The following ANKRD44 variants were observed in gnomAD, a reference collection of about 807,000 sequenced individuals.
The protein encoded by ANKRD44 is ankyrin repeat domain 44.
In ANKRD44, 35 loss-of-function variants were observed where a neutral mutation model predicts 116.0. That is an observed-to-expected ratio of 0.30 (90% CI 0.23 to 0.40). The LOEUF (loss-of-function observed/expected upper bound fraction) is 0.40, where lower values mean the gene tolerates loss of function less well. ANKRD44 is among the 10% of genes least tolerant of loss of function. The pLI is 1.00. For synonymous variants in ANKRD44, 435 were observed against 461.8 expected, an observed-to-expected ratio of 0.94 and a Z score of 0.74; for missense variants, 1,014 against 1,242.6, an observed-to-expected ratio of 0.82 and a Z score of 2.77.
intron 1 of ANKRD44, among the ~76,000 whole-genome samples, chr2:197,258,414 C>G (rs2082512859): frequency 6.6e-6 from 1 of 151,056 alleles, no homozygotes; most frequent in Admixed American, 6.6e-5. Context: ...GAATTCTTTA[C>G]TAGGCCAGAA....
intron 11 of ANKRD44, among the ~76,000 whole-genome samples, chr2:197,089,093 G>C (rs1406580224): frequency 2.0e-5 from 3 of 152,200 alleles, no homozygotes; most frequent in Non-Finnish European, 2.9e-5. Flanking sequence ...CAGGCAGATA[G>C]AACTCATGGA....
intron 1 of ANKRD44, among the ~76,000 whole-genome samples, chr2:197,241,062 C>T (rs1386022812): frequency 2.0e-5 from 3 of 152,018 alleles, no homozygotes; most frequent in African/African-American, 7.3e-5. Flanking sequence ...TCTATTCCTC[C>T]TTTCCAGGGC....
intron 1 of ANKRD44, among the ~76,000 whole-genome samples, chr2:197,221,677 G>A (rs537329674): frequency 6.6e-6 from 1 of 152,156 alleles, no homozygotes; most frequent in Non-Finnish European, 1.5e-5. Context: ...CACCACCCTC[G>A]GCCATCTTTC....
chr2:197,139,706 A>T (rs893101131), intron 3 of ANKRD44, among the ~76,000 whole-genome samples: 2 of 152,136 alleles, frequency 1.3e-5, no homozygotes, highest in Admixed American at 1.3e-4. Flanking sequence ...AGTGGAAGGT[A>T]TATGGATATT....
chr2:197,068,224 G>T (rs886237458), intron 16 of ANKRD44, among the ~76,000 whole-genome samples: 2 of 104,494 alleles, frequency 1.9e-5, no homozygotes, highest in Admixed American at 2.0e-4. Context: ...GGTCGGGGGA[G>T]GGGGGAGGGA....
chr2:197,086,574 C>A, intron 13 of ANKRD44, 106 bp downstream of exon 13: 2 of 1,050,644 alleles, frequency 1.9e-6, no homozygotes, highest in African/African-American at 1.6e-5. Flanking sequence ...TGGAATCCCC[C>A]CAGCTAACTT....
intron 3 of ANKRD44, among the ~76,000 whole-genome samples, chr2:197,141,236 T>C (rs1400973217): frequency 1.8e-4 from 27 of 152,084 alleles, no homozygotes; most frequent in Admixed American, 1.8e-3. Flanking sequence ...CATACATACA[T>C]ACAAATCTGA....
At chr2:197,186,621 T>C (rs1339871515) in intron 2 of ANKRD44, among the ~76,000 whole-genome samples, 4 of 81,806 alleles carry the variant, frequency 4.9e-5, no homozygotes, top group African/African-American at 1.4e-4. Flanking sequence ...TCTTTTTTTT[T>C]TTTTTTTTTT....
chr2:197,089,904 T>A, intron 11 of ANKRD44, 46 bp downstream of exon 11: 4 of 1,545,016 alleles, frequency 2.6e-6, no homozygotes, highest in Non-Finnish European at 3.6e-6. Context: ...CATTGACTCA[T>A]GTACAGGACA....
In ANKRD44 at chr2:196,989,613, G is replaced by C; in HGVS notation, c.2960C>G (p.Thr987Ser). The C allele has an allele frequency of 6.5e-7, 1 of 1,550,194 alleles. No homozygotes were observed. Among genetic ancestry groups the C allele is most frequent in the African/African-American group, 1.4e-5 (1 of 73,138 alleles). ...RSNGPRSTPG[T>S]AVQKEE ...GTCTCATTCTTCTTTTTGTACAGCGGTTCCAGGTGTGGAACGGGGTCCATT... is the reference window on the plus strand; with the variant it reads ...GTCTCATTCTTCTTTTTGTACAGCGCTTCCAGGTGTGGAACGGGGTCCATT... The change falls in exon 28 of 28, where the codon ACC becomes AGC. Residue 987 changes from threonine (T) to serine (S), a missense_variant. Coordinates refer to ENST00000282272, the MANE Select transcript of ANKRD44 (RefSeq NM_001195144.2).
rs552972003 is a variant in ANKRD44 at position 197,068,387 on chromosome 2, T to G, written c.1650+10316A>C. Among the ~76,000 whole-genome samples, 561 of 66,934 alleles carry G rather than the reference T, an allele frequency of 8.4e-3. 5 individuals are homozygous for G. The highest frequency in any genetic ancestry group is 0.018 in the African/African-American group (479 of 26,240). 43.9% of individuals were successfully genotyped at this position (66,934 alleles called of 152,430 possible). On this transcript the variant is annotated intron_variant, in intron 16 of 27. Transcript: ENST00000282272. ...AAAAAAAATAAAAAAAAGAAAAAAA[T>G]AAAAAAAAAATAAAAATAAAATAAA...
At chr2:197,126,307 A>G (rs886987144) in intron 4 of ANKRD44, among the ~76,000 whole-genome samples, 1 of 152,238 alleles carries the variant, frequency 6.6e-6, no homozygotes, top group Non-Finnish European at 1.5e-5. Context: ...ATGTCCTTAC[A>G]ATGTAGAAGG....
chr2:197,094,129 G>A (rs1209163961), intron 10 of ANKRD44, among the ~76,000 whole-genome samples: 3 of 152,134 alleles, frequency 2.0e-5, no homozygotes, highest in Admixed American at 6.6e-5. Flanking sequence ...CTTTCCCCTT[G>A]GCATCAGAGA....
chr2:197,216,978 G>A (rs1051122816), intron 1 of ANKRD44, among the ~76,000 whole-genome samples: 9 of 151,084 alleles, frequency 6.0e-5, no homozygotes, highest in African/African-American at 2.0e-4. Flanking sequence ...CATCAAAAAC[G>A]AAAAGGCAGA....
At chr2:197,307,340 G>A (rs1245147332) in intron 1 of ANKRD44, among the ~76,000 whole-genome samples, 1 of 152,002 alleles carries the variant, frequency 6.6e-6, no homozygotes, top group Admixed American at 6.5e-5. Context: ...AGTTTGCCTG[G>A]AATTTTCCCG....
chr2:197,228,259 TG>T (rs1378219458), intron 1 of ANKRD44, among the ~76,000 whole-genome samples: 1 of 152,224 alleles, frequency 6.6e-6, no homozygotes, highest in African/African-American at 2.4e-5. Flanking sequence ...TCATCATAGC[TG>T]TTATTGTCAT....
At chr2:197,156,213 T>G (rs544264611) in intron 2 of ANKRD44, among the ~76,000 whole-genome samples, 6 of 151,990 alleles carry the variant, frequency 3.9e-5, no homozygotes, top group Admixed American at 1.3e-4. Context: ...GGGCGTGGTG[T>G]CAGGCACCTG....
Position 196,980,476 on chromosome 2 carries a change from T to C in ANKRD44, c.2369-13030A>G, listed in dbSNP as rs143827507. Among the ~76,000 whole-genome samples the C allele has an allele frequency of 5.3e-3, 805 of 152,352 alleles. 4 individuals carry two copies. The highest frequency in any genetic ancestry group is 0.018 in the African/African-American group (747 of 41,584). On this transcript the variant is annotated intron_variant, in intron 21 of 21. Transcript: ENST00000424317. ...AGCTTTCTATTTATTTAGTTTAAAA[T>C]TGAGATTTTTCAGGAAAAGTTAATG... is the stretch of plus-strand genomic sequence containing the variant.
At chr2:197,083,229 G>A in intron 14 of ANKRD44, 140 bp downstream of exon 14, 1 of 1,082,340 alleles carries the variant, frequency 9.2e-7, no homozygotes, top group Non-Finnish European at 1.3e-6. Flanking sequence ...GGAAAGCCCA[G>A]GTTTGGAATT....
Sources: allele counts gnomAD v4.1 joint callset (sites outside exome capture counted in the v4.1 genomes callset), GRCh38; gene constraint gnomAD v4.1.1; transcripts MANE v1.5; gene names NCBI Gene and HGNC (gene_info 2026-07-23, HGNC 2026-07-21).